Variants in SON observed in about 807,000 individuals in gnomAD.
The protein encoded by SON is SON DNA and RNA binding protein.
In SON, 4 loss-of-function variants were observed where a neutral mutation model predicts 173.3. That is an observed-to-expected ratio of 0.02 (90% CI 0.01 to 0.05). SON has a LOEUF of 0.05. Ranked by LOEUF, SON falls within the 10% of genes least tolerant of loss-of-function variation. The pLI is 1.00. For synonymous variants in SON, 1,190 were observed against 1,105.9 expected, an observed-to-expected ratio of 1.08 and a Z score of -1.51; for missense variants, 2,626 against 3,055.3, an observed-to-expected ratio of 0.86 and a Z score of 3.31.
At chr21:33,543,230 T>G in intron 1 of SON, 61 bp downstream of exon 1, 1 of 1,421,098 alleles carries the variant, frequency 7.0e-7, no homozygotes, top group Admixed American at 1.7e-5. Context: ...CTAGCCTTCT[T>G]TGGCACCTTT....
chr21:33,551,033 T>G lies in SON; in HGVS notation c.1802T>G (p.Met601Arg). ...GCACTAGAGTTGCCTGGGCCGCTCA[T>G]GGCAGCTGGGGCACTGGAGTTCTCG... ...TGALELPGPL[M>R]AAGALEFSGQ... Residue 601 changes from methionine (M) to arginine (R), a missense_variant, in exon 3 of 12, where the codon ATG becomes AGG. Met to Arg is a moderately conservative substitution (Grantham distance 91, BLOSUM62 -1). This residue lies in a region of SON where 757 missense variants were observed against 730.1 expected (regional missense o/e 1.04). Transcript: ENST00000356577. The G allele has an allele frequency of 6.2e-7, 1 of 1,611,132 alleles. No individual in the cohort carries two copies. The highest frequency in any genetic ancestry group is 8.5e-7 in the Non-Finnish European group (1 of 1,178,696).
At chr21:33,548,296 T>C (rs951414094) in intron 2 of SON, among the ~76,000 whole-genome samples, 1 of 151,574 alleles carries the variant, frequency 6.6e-6, no homozygotes, top group Non-Finnish European at 1.5e-5. Flanking sequence ...GGGGAAAATG[T>C]TATCTCTTTA....
At chr21:33,568,208 T>G (rs1374515808) in intron 7 of SON, among the ~76,000 whole-genome samples, 1 of 152,236 alleles carries the variant, frequency 6.6e-6, no homozygotes, top group Non-Finnish European at 1.5e-5. Context: ...AAAGTTGTTT[T>G]ACGGCCGGGT....
At chr21:33,555,781 A>G (rs1457200907) in intron 3 of SON, among the ~76,000 whole-genome samples, 1 of 152,236 alleles carries the variant, frequency 6.6e-6, no homozygotes, top group East Asian at 1.9e-4. Context: ...GCCTAAAATT[A>G]CAATGTTCCT....
rs1402941695 is a variant in SON, at chr21:33,576,762, T to C, written c.*338T>C. 4.9e-6 allele frequency: 2 copies of C among 406,724 alleles called. No homozygotes were observed. The highest frequency in any genetic ancestry group is 2.2e-5 in the South Asian group (1 of 44,494). 25.2% of individuals were successfully genotyped at this position (406,724 alleles called of 1,614,324 possible). A position where few individuals can be genotyped will look rare whatever the true frequency, so the allele number is the denominator to read the frequency against. Reference sequence around the variant, plus strand: ...CATACAGGGTTTTGGTATGTTTATATTGTTTACCTTAGTGATGTATTTGTT... The same window carrying C: ...CATACAGGGTTTTGGTATGTTTATACTGTTTACCTTAGTGATGTATTTGTT... On this transcript the variant is annotated 3_prime_UTR_variant, in exon 12 of 12. Coordinates refer to ENST00000356577, the MANE Select transcript of SON (RefSeq NM_138927.4).
At chr21:33,567,320 C>A (rs777001050) in intron 7 of SON, 53 bp downstream of exon 7, 36 of 973,302 alleles carry the variant, frequency 3.7e-5, no homozygotes, top group Non-Finnish European at 5.3e-5. Context: ...CCAACTCACA[C>A]CAATGTACCA....
chr21:33,576,043 G>A (rs1569071496), intron 11 of SON, 150 bp downstream of exon 11: 1 of 551,218 alleles, frequency 1.8e-6, no homozygotes. Context: ...AACACTGAAG[G>A]GTGCTTTAAT....
Position 33,559,469 on chromosome 21 carries a change from T to C in SON, c.6468+93T>C. 2 of 1,486,990 alleles carry C rather than the reference T, an allele frequency of 1.3e-6. No individual in the cohort carries two copies. The highest frequency in any genetic ancestry group is 9.1e-7 in the Non-Finnish European group (1 of 1,102,930). The allele number at this position is 1,486,990 out of a possible 1,614,324, so 92.1% of individuals were successfully genotyped here. ...TCGAATTTAGTTTATTAATTTTTGT[T>C]TTAAATACTGTGAGAAATAATGGAT... On this transcript the variant is annotated intron_variant, in intron 5 of 11. Coordinates refer to ENST00000356577, the MANE Select transcript of SON (RefSeq NM_138927.4). This position sits in a 1 kb window ranked among gnomAD's most constrained non-coding sequence, Gnocchi z 4.1.
intron 1 of SON, among the ~76,000 whole-genome samples, chr21:33,544,430 A>G (rs1351152523): frequency 6.6e-6 from 1 of 152,322 alleles, no homozygotes; most frequent in South Asian, 2.1e-4. Flanking sequence ...GTGTTTTTGT[A>G]GCTTTTAAAA....
chr21:33,563,720 T>C (rs2086112245), intron 6 of SON, among the ~76,000 whole-genome samples: 1 of 152,166 alleles, frequency 6.6e-6, no homozygotes, highest in East Asian at 1.9e-4. Context: ...ATTTCCTAAA[T>C]GAGAAATAAA....
At position 33,555,353 on chromosome 21, in the gene SON, C is replaced by T. The variant is rs1413583756; in HGVS notation, c.6122C>T (p.Ser2041Phe). The T allele has an allele frequency of 1.0e-5, 16 of 1,584,730 alleles. No homozygotes were observed. The highest frequency in any genetic ancestry group is 1.4e-5 in the Non-Finnish European group (16 of 1,165,184). Residue 2041 changes from serine (S) to phenylalanine (F), a missense_variant, in exon 3 of 12, where the codon TCT becomes TTT. By Grantham distance (155) the Ser-to-Phe change is radical. Transcript: ENST00000356577. ...SPIRRKRSRS[S>F]ERGRSPKRLT... The stretch of plus-strand genomic sequence containing the variant: ...ATCCGTCGTAAAAGATCCAGGTCTT[C>T]TGAACGAGGCAGATCACCCAAACGT...
rs139414885 is a variant in SON, at chr21:33,554,577, T to G, written c.5346T>G (p.Ser1782=). 79 of 1,613,862 alleles carry G rather than the reference T, an allele frequency of 4.9e-5. No individual in the cohort carries two copies. The highest frequency in any genetic ancestry group is 3.3e-4 in the Middle Eastern group (2 of 6,084). ...VSSMPERASE[S]SSEEKDDYEI... ...GTATGCCAGAAAGAGCTTCAGAGTC[T>G]TCTTCAGAGGAAAAAGATGATTATG... The change falls in exon 3 of 12, where the codon TCT becomes TCG. Residue 1782 remains serine, a synonymous_variant. Coordinates refer to ENST00000356577, the MANE Select transcript of SON (RefSeq NM_138927.4).
Position 33,553,973 on chromosome 21 carries a change from A to G in SON, c.4742A>G (p.Tyr1581Cys), listed in dbSNP as rs768266644. The change falls in exon 3 of 12, where the codon TAC (tyrosine) becomes TGC (cysteine). Residue 1581 changes from tyrosine (Y) to cysteine (C), a missense_variant. Tyr to Cys is a radical substitution (Grantham distance 194). Transcript: ENST00000356577. ...ETKQRTVLDT[Y>C]PGVSEADAGE... ...AAACAGCGCACAGTATTGGATACCT[A>G]CCCTGGTGTTAGTGAAGCTGATGCA... is the stretch of plus-strand genomic sequence containing the variant. 1.2e-6 allele frequency: 2 copies of G among 1,614,112 alleles called. No individual in the cohort carries two copies. Among genetic ancestry groups the G allele is most frequent in the Middle Eastern group, 1.6e-4 (1 of 6,062 alleles).
Position 33,552,030 on chromosome 21 carries a change from C to T in SON, c.2799C>T (p.Asp933=), listed in dbSNP as rs1436542714. Residue 933 remains aspartate, a synonymous_variant, in exon 3 of 12, where the codon GAC becomes GAT. Transcript: ENST00000356577. The surrounding 1 kb of genome is among the most constrained non-coding windows in gnomAD (Gnocchi z 5.6). ...LAQDPYRLGH[D]PYRLGHDAYR... ...AGGATCCCTATAGGTTGGGCCATGA[C>T]CCCTATAGATTAGGTCATGATGCTT... 4.3e-6 allele frequency: 7 copies of T among 1,613,932 alleles called. No individual in the cohort carries two copies. The highest frequency in any genetic ancestry group is 5.9e-6 in the Non-Finnish European group (7 of 1,180,004).
At chr21:33,569,524 T>G (rs1289774888) in intron 8 of SON, 1 of 387,372 alleles carries the variant, frequency 2.6e-6, no homozygotes, top group Non-Finnish European at 5.2e-6. Context: ...TCTACCACCT[T>G]AATTTTCCAT....
intron 1 of SON, among the ~76,000 whole-genome samples, chr21:33,543,769 T>A (rs949776663): frequency 1.3e-5 from 2 of 152,204 alleles, no homozygotes; most frequent in Non-Finnish European, 2.9e-5. Flanking sequence ...ACTTGCTAGT[T>A]TGTTAAAATA....
chr21:33,558,329 A>C (rs2086006328), intron 4 of SON: 1 of 152,098 alleles, frequency 6.6e-6, no homozygotes. Context: ...CATCAATTGC[A>C]CCCTCTCCAT....
At position 33,550,851 on chromosome 21, in the gene SON, T is replaced by G. The variant is rs752160227; in HGVS notation, c.1620T>G (p.Pro540=). The G allele has an allele frequency of 1.2e-4, 200 of 1,613,256 alleles. No individual in the cohort carries two copies. Among genetic ancestry groups the G allele is most frequent in the Non-Finnish European group, 1.7e-4 (195 of 1,179,492 alleles). Residue 540 remains proline, a synonymous_variant, in exon 3 of 12, where the codon CCT becomes CCG. Transcript: ENST00000356577. ...VTTATGLLGQ[P]EATMVLELPG... ...CGGCAACAGGGTTGCTGGGGCAGCC[T>G]GAGGCAACGATGGTGCTGGAGTTGC...
At position 33,552,042 on chromosome 21, in the gene SON, A is replaced by G. The variant is rs2085808617; in HGVS notation, c.2811A>G (p.Leu937=). 3.1e-6 allele frequency: 5 copies of G among 1,613,958 alleles called. No homozygotes were observed. Among genetic ancestry groups the G allele is most frequent in the Non-Finnish European group, 4.2e-6 (5 of 1,179,976 alleles). The change falls in exon 3 of 12, where the codon TTA becomes TTG. Residue 937 remains leucine, a synonymous_variant. Transcript: ENST00000356577. The surrounding 1 kb of genome is among the most constrained non-coding windows in gnomAD (Gnocchi z 5.6). The part of the protein sequence containing the change: ...PYRLGHDPYR[L]GHDAYRLGQD... Reference sequence around the variant, plus strand: ...GGTTGGGCCATGACCCCTATAGATTAGGTCATGATGCTTACAGGTTAGGAC... The same window carrying G: ...GGTTGGGCCATGACCCCTATAGATTGGGTCATGATGCTTACAGGTTAGGAC...
Sources: gnomAD v4.1 joint callset for allele counts (sites outside exome capture counted in the v4.1 genomes callset) on GRCh38, gnomAD v4.1.1 for gene constraint, gnomAD v4.1.1 regional missense constraint, Gnocchi (gnomAD v3.1) non-coding constraint, MANE v1.5 for transcripts, NCBI Gene and HGNC (gene_info 2026-07-23, HGNC 2026-07-21) for gene names.